Variants in BMPR1A observed in about 807,000 individuals in gnomAD.
The protein encoded by BMPR1A is bone morphogenetic protein receptor type 1A.
Under a neutral mutation model 66.0 loss-of-function variants are expected in BMPR1A, and 7 were observed. That is an observed-to-expected ratio of 0.11 (90% CI 0.06 to 0.20). The LOEUF (loss-of-function observed/expected upper bound fraction) is 0.20. Among genes scored for constraint, BMPR1A ranks in the 10% least tolerant of loss-of-function variants. BMPR1A has a pLI of 1.00. For synonymous variants in BMPR1A, 200 were observed against 229.7 expected (o/e 0.87, Z 1.17); for missense variants, 408 against 669.1 (o/e 0.61, Z 4.31).
chr10:86,853,729 T>C (rs1317151096), intron 2 of BMPR1A, among the ~76,000 whole-genome samples: 1 of 152,124 alleles, frequency 6.6e-6, no homozygotes, highest in African/African-American at 2.4e-5. Flanking sequence ...CCAGCAATTT[T>C]TTATTAGTGA....
At chr10:86,914,426 A>G (rs1036321537) in intron 8 of BMPR1A, among the ~76,000 whole-genome samples, 6 of 152,214 alleles carry the variant, frequency 3.9e-5, no homozygotes, top group African/African-American at 1.4e-4. Context: ...AACTTCTGCT[A>G]TTTAGAAGAC....
intron 1 of BMPR1A, among the ~76,000 whole-genome samples, chr10:86,799,789 C>T (rs186203146): frequency 2.2e-4 from 34 of 152,190 alleles, no homozygotes; most frequent in Admixed American, 2.1e-3. Context: ...CCACCCACTT[C>T]GACCTCCCAG....
In BMPR1A at chr10:86,766,382, A is replaced by G. The variant is rs995203473; in HGVS notation, c.-268+9463A>G. On this transcript the variant is annotated intron_variant, in intron 1 of 12. Transcript: ENST00000372037. ...CTTACCAGTTTCGTGTTAATGAATA[A>G]TTAGATTATTTCCATTTTTTTCTTT... 1.3e-4 allele frequency among the ~76,000 whole-genome samples: 20 copies of G among 152,282 alleles called. No homozygotes were observed. The East Asian group carries it at 1.7e-3, about 13-fold the overall frequency.
At chr10:86,757,447 G>A (rs1417658380) in intron 1 of BMPR1A, among the ~76,000 whole-genome samples, 3 of 152,196 alleles carry the variant, frequency 2.0e-5, no homozygotes, top group Non-Finnish European at 1.5e-5. Flanking sequence ...CCGCTCCGTG[G>A]CCTGGTGATT....
At chr10:86,846,874 TCTC>T (rs1271322303) in intron 2 of BMPR1A, among the ~76,000 whole-genome samples, 1 of 152,152 alleles carries the variant, frequency 6.6e-6, no homozygotes, top group Admixed American at 6.5e-5. Flanking sequence ...ATTCAGACTG[TCTC>T]CTCTTAAGTT....
At chr10:86,812,509 TACATTTC>T (rs1465459052) in intron 1 of BMPR1A, among the ~76,000 whole-genome samples, 16 of 152,316 alleles carry the variant, frequency 1.1e-4, no homozygotes, top group Non-Finnish European at 1.5e-4. Context: ...GCACATAGGT[TACATTTC>T]ACCAGCTAAG....
intron 1 of BMPR1A, among the ~76,000 whole-genome samples, chr10:86,819,113 T>G (rs893736092): frequency 3.9e-5 from 6 of 152,158 alleles, no homozygotes; most frequent in African/African-American, 1.4e-4. Context: ...TATATTCTTA[T>G]TTCCGTGACT....
intron 8 of BMPR1A, among the ~76,000 whole-genome samples, chr10:86,913,103 C>CTTATT (rs891048831): frequency 2.0e-5 from 3 of 151,810 alleles, no homozygotes; most frequent in Admixed American, 1.3e-4. Flanking sequence ...CTGATCTCTT[C>CTTATT]TTATTTTATT....
intron 2 of BMPR1A, among the ~76,000 whole-genome samples, chr10:86,858,067 C>G (rs1299942773): frequency 6.6e-6 from 1 of 151,968 alleles, no homozygotes; most frequent in Admixed American, 6.6e-5. Flanking sequence ...ATTTAAAAAC[C>G]ACCACAGATG....
intron 1 of BMPR1A, among the ~76,000 whole-genome samples, chr10:86,837,298 G>A (rs1270141468): frequency 2.2e-5 from 3 of 135,704 alleles, no homozygotes; most frequent in African/African-American, 5.4e-5. Context: ...TCGAACTCCT[G>A]ACCTCAAGTG....
intron 7 of BMPR1A, among the ~76,000 whole-genome samples, chr10:86,906,681 G>T (rs538982513): frequency 3.1e-5 from 1 of 32,134 alleles, no homozygotes; most frequent in Non-Finnish European, 4.2e-5. Context: ...CCGACATCGC[G>T]CCACTGCACT....
At chr10:86,798,931 G>A (rs1256587329) in intron 1 of BMPR1A, among the ~76,000 whole-genome samples, 1 of 152,066 alleles carries the variant, frequency 6.6e-6, no homozygotes, top group Non-Finnish European at 1.5e-5. Flanking sequence ...TTTAGTCCTT[G>A]TTATGTTAAT....
At chr10:86,922,055 T>C (rs753385779) in intron 11 of BMPR1A, among the ~76,000 whole-genome samples, 1 of 152,192 alleles carries the variant, frequency 6.6e-6, no homozygotes, top group Non-Finnish European at 1.5e-5. Context: ...CCCCCCCATC[T>C]GCTGCTACCC....
chr10:86,898,249 A>ATATT (rs1491476231), intron 5 of BMPR1A, among the ~76,000 whole-genome samples: 2 of 111,864 alleles, frequency 1.8e-5, no homozygotes. Flanking sequence ...TATATAACAC[A>ATATT]TATATATATA....
intron 9 of BMPR1A, among the ~76,000 whole-genome samples, chr10:86,918,666 C>T (rs541244750): frequency 5.4e-5 from 8 of 147,848 alleles, no homozygotes; most frequent in South Asian, 4.3e-4. Flanking sequence ...TTCTGTCGCT[C>T]AGGCTGGAGT....
downstream of BMPR1A, chr10:86,930,150 T>TA (rs1409790063): frequency 1.3e-5 from 2 of 152,278 alleles, no homozygotes; most frequent in African/African-American, 2.4e-5. Flanking sequence ...TGAGTGCTGG[T>TA]ATAAGCAGAA....
At chr10:86,801,098 A>G (rs996919435) in intron 1 of BMPR1A, among the ~76,000 whole-genome samples, 1 of 152,240 alleles carries the variant, frequency 6.6e-6, no homozygotes. Context: ...GCTGAATTCT[A>G]GTGAGGCTGA....
At chr10:86,781,204 T>G (rs530656723) in intron 1 of BMPR1A, among the ~76,000 whole-genome samples, 224 of 152,316 alleles carry the variant, frequency 1.5e-3, no homozygotes, top group African/African-American at 5.1e-3. Flanking sequence ...AGTTGATTTT[T>G]GTATAGGGTG....
In BMPR1A at chr10:86,923,514, G is replaced by A; in HGVS notation, c.1473+8G>A. On this transcript the variant is annotated splice_region_variant and intron_variant, in intron 12 of 12. Coordinates refer to ENST00000372037, the MANE Select transcript of BMPR1A (RefSeq NM_004329.3). ...CGGTGGAACAGTGATGAAGTGAGTG[G>A]AACTCAGTCCCCTGAAGAAGTGATT... 3 of 1,614,172 alleles carry A rather than the reference G, an allele frequency of 1.9e-6. No individual in the cohort carries two copies. The highest frequency in any genetic ancestry group is 2.5e-6 in the Non-Finnish European group (3 of 1,180,026).
Sources: allele counts gnomAD v4.1 joint callset (sites outside exome capture counted in the v4.1 genomes callset), GRCh38; gene constraint gnomAD v4.1.1; transcripts MANE v1.5; gene names NCBI Gene and HGNC (gene_info 2026-07-23, HGNC 2026-07-21).